RABGAP1L: variants seen among roughly 807,000 people sequenced by gnomAD.
The protein encoded by RABGAP1L is RAB GTPase activating protein 1 like, also known as rab GTPase-activating protein 1-like.
RABGAP1L carries 63 observed loss-of-function variants against 137.7 expected under a neutral mutation model. The ratio of observed to expected loss-of-function variants is 0.46; its 90% CI spans 0.37 to 0.56. The LOEUF is 0.56. RABGAP1L is among the 20% of genes least tolerant of loss of function. The pLI is 0.00. For missense variants in RABGAP1L, 1,095 were observed against 1,244.0 expected (o/e 0.88, Z 1.80); for synonymous variants, 431 against 433.7 (o/e 0.99, Z 0.08).
intron 13 of RABGAP1L, among the ~76,000 whole-genome samples, chr1:174,586,032 C>T (rs537458216): frequency 6.6e-6 from 1 of 152,082 alleles, no homozygotes; most frequent in African/African-American, 2.4e-5. Context: ...GGATGTATAC[C>T]CAAAGGAATA....
chr1:174,626,378 C>A (rs962516686), intron 13 of RABGAP1L, among the ~76,000 whole-genome samples: 1 of 152,226 alleles, frequency 6.6e-6, no homozygotes, highest in Admixed American at 6.5e-5. Context: ...CCAGCACTTC[C>A]TTCAAGAACA....
intron 19 of RABGAP1L, among the ~76,000 whole-genome samples, chr1:174,941,015 C>G (rs886896000): frequency 1.3e-5 from 2 of 152,214 alleles, no homozygotes; most frequent in East Asian, 3.9e-4. Flanking sequence ...GCCAGGTCAT[C>G]TAGCTCCTCA....
intron 7 of RABGAP1L, among the ~76,000 whole-genome samples, chr1:174,256,098 A>G (rs1673101865): frequency 6.6e-6 from 1 of 152,160 alleles, no homozygotes. Context: ...CCAGTTCAGA[A>G]TTCATTCCAG....
At chr1:174,207,734 G>C (rs1668602486) in intron 1 of RABGAP1L, among the ~76,000 whole-genome samples, 1 of 152,160 alleles carries the variant, frequency 6.6e-6, no homozygotes, top group South Asian at 2.1e-4. Flanking sequence ...GTGCAGATAG[G>C]TCTTTTTTAG....
chr1:174,250,723 A>G (rs550497272), intron 6 of RABGAP1L, 91 bp downstream of exon 6: 15 of 1,158,368 alleles, frequency 1.3e-5, no homozygotes, highest in South Asian at 1.7e-5. Context: ...CAGTGTTGGC[A>G]TAAAGCCTCA....
chr1:174,940,826 A>G (rs1024150117), intron 19 of RABGAP1L, among the ~76,000 whole-genome samples: 4 of 152,224 alleles, frequency 2.6e-5, no homozygotes, highest in Non-Finnish European at 5.9e-5. Flanking sequence ...TGCTTCTCAT[A>G]TCCAGAATGG....
chr1:174,460,916 A>C (rs1016381102), intron 13 of RABGAP1L, among the ~76,000 whole-genome samples: 1 of 152,088 alleles, frequency 6.6e-6, no homozygotes, highest in Admixed American at 6.6e-5. Context: ...GCTGAGCCTC[A>C]TTTAAACCAA....
intron 3 of RABGAP1L, among the ~76,000 whole-genome samples, chr1:174,226,177 G>T (rs531507985): frequency 6.6e-6 from 1 of 152,258 alleles, no homozygotes; most frequent in East Asian, 1.9e-4. Context: ...GTCAAAACTG[G>T]GAGGTGATGA....
intron 13 of RABGAP1L, among the ~76,000 whole-genome samples, chr1:174,601,953 C>A (rs1670447939): frequency 1.3e-5 from 2 of 152,272 alleles, no homozygotes; most frequent in South Asian, 4.2e-4. Flanking sequence ...CTACCTGAGA[C>A]CACGTAAGCC....
intron 17 of RABGAP1L, among the ~76,000 whole-genome samples, chr1:174,723,572 CT>C (rs1681752770): frequency 6.6e-6 from 1 of 151,996 alleles, no homozygotes; most frequent in Non-Finnish European, 1.5e-5. Context: ...TGAGTGAAGT[CT>C]TCTGTGATGT....
In RABGAP1L at chr1:174,403,282, C is replaced by CTT. The variant is rs796504266; in HGVS notation, c.1710+9148_1710+9149dup. Among the ~76,000 whole-genome samples the CTT allele has an allele frequency of 1.9e-4, 25 of 130,770 alleles. No homozygotes were observed. In the South Asian group the frequency reaches 5.8e-3, roughly 30 times the overall value. 85.8% of individuals were successfully genotyped at this position (130,770 alleles called of 152,430 possible). A position where few individuals can be genotyped will look rare whatever the true frequency, so the allele number is the denominator to read the frequency against. On this transcript the variant is annotated intron_variant, in intron 13 of 25. Transcript: ENST00000681986. ...GTGTATACCATTTCTTTTCTTCTCTCTTTTTTTTTTTTAAGAGACAGGGTC... is the reference window on the plus strand; with the variant it reads ...GTGTATACCATTTCTTTTCTTCTCTCTTTTTTTTTTTTTTAAGAGACAGGGTC...
chr1:174,214,659 A>C (rs536715551), intron 1 of RABGAP1L, among the ~76,000 whole-genome samples: 21 of 152,308 alleles, frequency 1.4e-4, no homozygotes, highest in African/African-American at 4.8e-4. Flanking sequence ...GTGGAACATA[A>C]TAGGGAACCC....
chr1:174,300,450 G>A (rs1010643249), intron 10 of RABGAP1L, among the ~76,000 whole-genome samples: 2 of 151,406 alleles, frequency 1.3e-5, no homozygotes, highest in African/African-American at 2.4e-5. Context: ...CCTTGAACTC[G>A]GTGGTGGGGT....
Position 174,380,678 on chromosome 1 carries a change from T to C in RABGAP1L, c.1559+9606T>C, listed in dbSNP as rs1247375806. Reference sequence around the variant, plus strand: ...ATTGTGTCTATTTGATTCTTCTCTCTTTTTTTCTTTATTAGTCTTGCTAGC... The same window carrying C: ...ATTGTGTCTATTTGATTCTTCTCTCCTTTTTTCTTTATTAGTCTTGCTAGC... On this transcript the variant is annotated intron_variant, in intron 12 of 25. Coordinates refer to ENST00000681986, the MANE Select transcript of RABGAP1L (RefSeq NM_001366446.1). Among the ~76,000 whole-genome samples the C allele has an allele frequency of 2.0e-5, 3 of 149,768 alleles. No individual in the cohort carries two copies. In the East Asian group the frequency reaches 5.9e-4, roughly 29 times the overall value.
intron 19 of RABGAP1L, among the ~76,000 whole-genome samples, chr1:174,813,509 A>T (rs1388369936): frequency 2.6e-5 from 4 of 152,206 alleles, no homozygotes; most frequent in Non-Finnish European, 5.9e-5. Context: ...AATCTTTTTA[A>T]ATTTAAATCA....
At chr1:174,607,919 G>C (rs891553356) in intron 13 of RABGAP1L, among the ~76,000 whole-genome samples, 5 of 152,132 alleles carry the variant, frequency 3.3e-5, no homozygotes, top group Non-Finnish European at 7.4e-5. Context: ...CTTGCTCTAG[G>C]GTTACCTCCA....
chr1:174,618,364 A>G (rs6425292), intron 13 of RABGAP1L, among the ~76,000 whole-genome samples: 89,713 of 149,806 alleles, frequency 0.6, 29,317 homozygotes, highest in African/African-American at 0.9. Context: ...TCTCTGACCC[A>G]CGCGTAGCCT....
intron 19 of RABGAP1L, among the ~76,000 whole-genome samples, chr1:174,884,702 G>A (rs975810700): frequency 6.6e-6 from 1 of 152,160 alleles, no homozygotes; most frequent in African/African-American, 2.4e-5. Context: ...TAAATGCAAG[G>A]GCAGTTCATC....
At chr1:174,644,645 A>G (rs751706006) in intron 14 of RABGAP1L, among the ~76,000 whole-genome samples, 26 of 152,108 alleles carry the variant, frequency 1.7e-4, no homozygotes, top group Non-Finnish European at 3.2e-4. Context: ...TTTGAGATCT[A>G]TTTCTATACT....
Sources: allele counts gnomAD v4.1 joint callset (sites outside exome capture counted in the v4.1 genomes callset), GRCh38; gene constraint gnomAD v4.1.1; transcripts MANE v1.5; gene names NCBI Gene and HGNC (gene_info 2026-07-23, HGNC 2026-07-21).